Variants in WWOX observed in about 807,000 individuals in gnomAD.
WWOX encodes the protein WW domain containing oxidoreductase, also known as WW domain-containing oxidoreductase.
In WWOX, 69 loss-of-function variants were observed where a neutral mutation model predicts 46.2. The observed-to-expected ratio is 1.49, with a 90% confidence interval of 1.23 to 1.82. The LOEUF (loss-of-function observed/expected upper bound fraction) is 1.82, where lower values mean the gene tolerates loss of function less well. Ranked by LOEUF, WWOX falls within the 40% of genes most tolerant of loss-of-function variation. The pLI is 0.00. For synonymous variants in WWOX, 359 were observed against 202.6 expected (o/e 1.77, Z -6.56); for missense variants, 919 against 542.6 (o/e 1.69, Z -6.89).
intron 8 of WWOX, among the ~76,000 whole-genome samples, chr16:78,594,355 T>C (rs557714549): frequency 6.6e-6 from 1 of 150,610 alleles, no homozygotes. Flanking sequence ...TCCGCTCATA[T>C]TCTTGCATTT....
intron 8 of WWOX, among the ~76,000 whole-genome samples, chr16:78,715,659 TAG>T (rs2048544144): frequency 6.6e-6 from 1 of 152,132 alleles, no homozygotes; most frequent in Admixed American, 6.5e-5. Context: ...GTATTTTTAA[TAG>T]AGACAGGATT....
At chr16:78,367,425 A>G (rs59901612) in intron 5 of WWOX, among the ~76,000 whole-genome samples, 1 of 151,542 alleles carries the variant, frequency 6.6e-6, no homozygotes, top group African/African-American at 2.4e-5. Flanking sequence ...TTTTTTTTCA[A>G]CTCATCAGCT....
At chr16:79,099,158 C>G (rs2049138324) in intron 8 of WWOX, among the ~76,000 whole-genome samples, 1 of 152,164 alleles carries the variant, frequency 6.6e-6, no homozygotes, top group Non-Finnish European at 1.5e-5. Context: ...GGAGAACTCA[C>G]TCACTACCAT....
At chr16:78,453,038 T>A (rs556421448) in intron 8 of WWOX, among the ~76,000 whole-genome samples, 1 of 150,352 alleles carries the variant, frequency 6.7e-6, no homozygotes, top group Admixed American at 6.6e-5. Flanking sequence ...CCTGCCTTCA[T>A]GCCTGGATAA....
At chr16:78,867,086 G>T (rs76413382) in intron 8 of WWOX, among the ~76,000 whole-genome samples, 2,578 of 152,276 alleles carry the variant, frequency 0.017, 80 homozygotes, top group African/African-American at 0.058. Context: ...GGAGAAGGGC[G>T]CCTTCTGTTA....
At chr16:78,578,706 T>C (rs956904196) in intron 8 of WWOX, among the ~76,000 whole-genome samples, 1 of 152,128 alleles carries the variant, frequency 6.6e-6, no homozygotes, top group Non-Finnish European at 1.5e-5. Context: ...TATGGGTCAT[T>C]TGGAAAAAGA....
At chr16:78,174,928 C>T (rs1351311542) in intron 5 of WWOX, among the ~76,000 whole-genome samples, 1 of 151,740 alleles carries the variant, frequency 6.6e-6, no homozygotes, top group East Asian at 1.9e-4. Flanking sequence ...GTGGAGGTTG[C>T]AGTGAGCCGA....
intron 4 of WWOX, among the ~76,000 whole-genome samples, chr16:78,127,227 G>C (rs921652227): frequency 2.6e-5 from 4 of 152,154 alleles, no homozygotes; most frequent in African/African-American, 9.7e-5. Flanking sequence ...GGGAACTCCA[G>C]AGTGCCCAGG....
In WWOX at chr16:78,989,038, C is replaced by G. The variant is rs183407520; in HGVS notation, c.1057-222570C>G. ...AAGGAGGAAGTAATCATCCTGAGTT[C>G]GATGATTCAGAGTAAGCCATTTAAC... On this transcript the variant is annotated intron_variant, in intron 8 of 8. Coordinates refer to ENST00000566780, the MANE Select transcript of WWOX (RefSeq NM_016373.4). Among the ~76,000 whole-genome samples the G allele has an allele frequency of 5.5e-4, 83 of 152,238 alleles. No individual in the cohort carries two copies. In the East Asian group the frequency reaches 0.016, roughly 29 times the overall value.
At chr16:78,137,035 T>A (rs967445640) in intron 4 of WWOX, among the ~76,000 whole-genome samples, 1 of 152,100 alleles carries the variant, frequency 6.6e-6, no homozygotes, top group Non-Finnish European at 1.5e-5. Context: ...GAATTACCAT[T>A]CACATACCAT....
chr16:78,776,348 C>T (rs886794603), intron 8 of WWOX, among the ~76,000 whole-genome samples: 1 of 151,852 alleles, frequency 6.6e-6, no homozygotes, highest in Non-Finnish European at 1.5e-5. Context: ...GTGCGAAGCC[C>T]CTCTGCCTGG....
chr16:78,838,486 A>C (rs917116172), intron 8 of WWOX, among the ~76,000 whole-genome samples: 4 of 152,226 alleles, frequency 2.6e-5, no homozygotes, highest in African/African-American at 4.8e-5. Flanking sequence ...AGCCAATCCC[A>C]AAAGATTACA....
chr16:78,283,875 T>A (rs770196926), intron 5 of WWOX, among the ~76,000 whole-genome samples: 6 of 152,244 alleles, frequency 3.9e-5, no homozygotes, highest in Non-Finnish European at 4.4e-5. Context: ...TTGTCATTTA[T>A]AATCATCTGT....
rs1019499982 is a variant in WWOX at position 78,229,532 on chromosome 16, A to G, written c.516+65243A>G. 2.8e-3 allele frequency among the ~76,000 whole-genome samples: 407 copies of G among 147,376 alleles called. 2 individuals carry two copies. The highest frequency in any genetic ancestry group is 9.7e-3 in the African/African-American group (392 of 40,286). On this transcript the variant is annotated intron_variant, in intron 5 of 8. Transcript: ENST00000566780. ...TATATAGAGATATATATATATATAT[A>G]AAATAATGAATGAAATGGACTGTTT...
intron 5 of WWOX, among the ~76,000 whole-genome samples, chr16:78,233,570 A>C (rs2037340606): frequency 7.5e-6 from 1 of 132,754 alleles, no homozygotes; most frequent in Admixed American, 8.3e-5. Flanking sequence ...TCTTTTGCCC[A>C]GGCTGGAGTG....
chr16:78,775,626 A>C (rs750395232), intron 8 of WWOX, among the ~76,000 whole-genome samples: 1 of 152,172 alleles, frequency 6.6e-6, no homozygotes, highest in Admixed American at 6.5e-5. Context: ...CCCTGCTCCA[A>C]TGAGGATGAA....
intron 8 of WWOX, chr16:79,078,126 C>T (rs771193640): frequency 1.3e-5 from 2 of 152,234 alleles, no homozygotes; most frequent in South Asian, 2.1e-4. Flanking sequence ...GGTGAAAGCT[C>T]TAGGACATAA....
rs2034891990 is a variant in WWOX at position 78,164,209 on chromosome 16, C to T, written c.436C>T (p.Leu146Phe). The T allele has an allele frequency of 1.2e-6, 2 of 1,614,082 alleles. No homozygotes were observed. Among genetic ancestry groups the T allele is most frequent in the East Asian group, 2.2e-5 (1 of 44,878 alleles). The change falls in exon 5 of 9, where the codon CTC (leucine) becomes TTC (phenylalanine). Residue 146 changes from leucine to phenylalanine, a missense_variant. Transcript: ENST00000566780. ...IGFETAKSFALHGAHVILACR... is the reference protein window; with the variant it reads ...IGFETAKSFAFHGAHVILACR... ...GTTCGAAACCGCCAAGTCTTTTGCC[C>T]TCCATGGTGCACATGTGATCTTGGC...
At chr16:78,818,281 G>A (rs1157071242) in intron 8 of WWOX, among the ~76,000 whole-genome samples, 1 of 152,174 alleles carries the variant, frequency 6.6e-6, no homozygotes, top group Admixed American at 6.5e-5. Flanking sequence ...CTACTTTCCA[G>A]TGTGGACAAG....
Sources: allele counts gnomAD v4.1 joint callset (sites outside exome capture counted in the v4.1 genomes callset), GRCh38; gene constraint gnomAD v4.1.1; transcripts MANE v1.5; gene names NCBI Gene and HGNC (gene_info 2026-07-23, HGNC 2026-07-21).